Variants in ARHGEF10 observed in about 807,000 individuals in gnomAD.
ARHGEF10 encodes Rho guanine nucleotide exchange factor 10.
ARHGEF10 carries 140 observed loss-of-function variants against 147.4 expected under a neutral mutation model. The observed-to-expected ratio is 0.95, with a 90% CI of 0.83 to 1.09. The LOEUF is 1.09. ARHGEF10 is among the 50% of genes least tolerant of loss of function. The pLI, the probability that ARHGEF10 is intolerant of heterozygous loss-of-function variation, is 0.00. For missense variants in ARHGEF10, 2,222 were observed against 1,752.7 expected (o/e 1.27, Z -4.78); for synonymous variants, 902 against 695.8 (o/e 1.30, Z -4.67).
chr8:1,830,351 C>G (rs1417158114), intron 1 of ARHGEF10, among the ~76,000 whole-genome samples: 1 of 151,978 alleles, frequency 6.6e-6, no homozygotes, highest in Non-Finnish European at 1.5e-5. Context: ...ATCCAGGCTG[C>G]CAGGAGCCTC....
intron 5 of ARHGEF10, among the ~76,000 whole-genome samples, chr8:1,865,056 A>G (rs1806468436): frequency 6.6e-6 from 1 of 152,232 alleles, no homozygotes; most frequent in African/African-American, 2.4e-5. Flanking sequence ...AAAGGATGAA[A>G]TTTTTCAAAC....
Position 1,918,862 on chromosome 8 carries a change from ATGATGGAGCTGCTTTGTGGG to A in ARHGEF10, c.2144-4091_2144-4072del, listed in dbSNP as rs1422442933. Among the ~76,000 whole-genome samples, 9 of 137,446 alleles carry A rather than the reference ATGATGGAGCTGCTTTGTGGG, an allele frequency of 6.5e-5. No homozygotes were observed. In the South Asian group the frequency reaches 9.6e-4, roughly 15 times the overall value. The allele number at this position is 137,446 out of a possible 152,430, so 90.2% of individuals were successfully genotyped here. On this transcript the variant is annotated intron_variant, in intron 18 of 28. Transcript: ENST00000349830. ...TGTGGGTGATAGAGCTGTTATGTGG[ATGATGGAGCTGCTTTGTGGG>A]TGATGGAGCTATTCTGTAAAGTGAC... is the stretch of plus-strand genomic sequence containing the variant.
At position 1,850,020 on chromosome 8, in the gene ARHGEF10, G is replaced by A. The variant is rs1280262113; in HGVS notation, c.37+6584G>A. ...GCAAATGCTGAGGAGGGCGTGGGCC[G>A]GCTGCATGGACACAGAGGGCAAATG... On this transcript the variant is annotated intron_variant, in intron 2 of 28. Coordinates refer to ENST00000349830, the MANE Select transcript of ARHGEF10 (RefSeq NM_014629.4). Among the ~76,000 whole-genome samples the A allele has an allele frequency of 5.5e-3, 348 of 63,752 alleles. 1 individual carries two copies. Among genetic ancestry groups the A allele is most frequent in the African/African-American group, 0.013 (203 of 15,814 alleles). 41.8% of individuals were successfully genotyped at this position (63,752 alleles called of 152,430 possible).
chr8:1,907,462 C>G (rs1810990599), intron 17 of ARHGEF10, among the ~76,000 whole-genome samples: 1 of 152,144 alleles, frequency 6.6e-6, no homozygotes, highest in South Asian at 2.1e-4. Flanking sequence ...AAGTCCTAAG[C>G]AAATATAATG....
chr8:1,957,035 C>T lies in ARHGEF10; in HGVS notation c.3807C>T (p.Ser1269=), dbSNP rs1446988049. Residue 1269 remains serine, a synonymous_variant, in exon 29 of 29, where the codon TCC becomes TCT. Transcript: ENST00000349830. ...GGTCCCTGAGCTTGTCTCACGGCTC[C>T]AGCTCTCTAGAGCACAGATCAGAGG... The part of the protein sequence containing the change: ...SSGSLSLSHG[S]SSLEHRSEDS... 1 of 1,613,844 alleles carries T rather than the reference C, an allele frequency of 6.2e-7. No individual in the cohort carries two copies. Among genetic ancestry groups the T allele is most frequent in the African/African-American group, 1.3e-5 (1 of 74,932 alleles).
At chr8:1,935,230 C>G (rs1367991707) in intron 26 of ARHGEF10, among the ~76,000 whole-genome samples, 2 of 152,090 alleles carry the variant, frequency 1.3e-5, no homozygotes, top group Non-Finnish European at 2.9e-5. Context: ...AACCCCCCAT[C>G]AGCCCCGTCC....
rs1815646665 is a variant in ARHGEF10 at position 1,957,149 on chromosome 8, G to T, written c.3921G>T (p.Leu1307=). Residue 1307 remains leucine, a synonymous_variant, in exon 29 of 29, where the codon CTG becomes CTT. Coordinates refer to ENST00000349830, the MANE Select transcript of ARHGEF10 (RefSeq NM_014629.4). ...AGAAAGCCAAGGCCAGCTCGGCGCT[G>T]GTGGTCTGTGGAGGGCAGGGCCACC... ...RAKKAKASSA[L]VVCGGQGHRR... 10 of 1,612,736 alleles carry T rather than the reference G, an allele frequency of 6.2e-6. 1 individual carries two copies. Among genetic ancestry groups the T allele is most frequent in the South Asian group, 2.2e-5 (2 of 91,092 alleles).
chr8:1,929,640 C>G (rs997960066), intron 25 of ARHGEF10, among the ~76,000 whole-genome samples, 197 bp downstream of exon 25: 3 of 152,150 alleles, frequency 2.0e-5, no homozygotes, highest in African/African-American at 7.2e-5. Flanking sequence ...ATACAGACAT[C>G]TTTCAGAAGT....
At chr8:1,874,097 T>A (rs1044876532) in intron 7 of ARHGEF10, among the ~76,000 whole-genome samples, 4 of 152,150 alleles carry the variant, frequency 2.6e-5, no homozygotes, top group African/African-American at 9.7e-5. Flanking sequence ...GGATTTAACG[T>A]TCAATTTTAG....
intron 18 of ARHGEF10, among the ~76,000 whole-genome samples, chr8:1,912,129 T>C (rs1563274287): frequency 6.6e-6 from 1 of 152,082 alleles, no homozygotes; most frequent in Admixed American, 6.6e-5. Context: ...CTGAGACCAG[T>C]GAGCAGCTGC....
At chr8:1,951,930 C>CGGGGTCTTCCCTGTAACCGCCGTGAGGT (rs1563333837) in intron 27 of ARHGEF10, among the ~76,000 whole-genome samples, 6 of 151,934 alleles carry the variant, frequency 3.9e-5, no homozygotes, top group Non-Finnish European at 7.4e-5. Flanking sequence ...CACCGTGAGG[C>CGGGGTCTTCCCTGTAACCGCCGTGAGGT]GGGGTCTTCC....
chr8:1,854,404 C>T (rs941818441), intron 2 of ARHGEF10, among the ~76,000 whole-genome samples: 11 of 152,236 alleles, frequency 7.2e-5, no homozygotes, highest in Non-Finnish European at 8.8e-5. Context: ...AGCACAACTT[C>T]TTTGAGTTCT....
chr8:1,846,096 C>G (rs548072029), intron 2 of ARHGEF10, among the ~76,000 whole-genome samples: 9 of 152,218 alleles, frequency 5.9e-5, no homozygotes, highest in Non-Finnish European at 1.3e-4. Flanking sequence ...CTCCACAGTT[C>G]GCCACTGTTA....
At position 1,842,868 on chromosome 8, in the gene ARHGEF10, A is replaced by G. The variant is rs532745923; in HGVS notation, c.-47-485A>G. 3.9e-5 allele frequency among the ~76,000 whole-genome samples: 6 copies of G among 152,336 alleles called. No individual in the cohort carries two copies. The South Asian group carries it at 1.0e-3, about 26-fold the overall frequency. On this transcript the variant is annotated intron_variant, in intron 1 of 28. Coordinates refer to ENST00000349830, the MANE Select transcript of ARHGEF10 (RefSeq NM_014629.4). ...AGCCTCGCCCCGAGAGGTTAGCCAC[A>G]TGCTTACCAAAAGGAGTGGAGAGGG...
intron 11 of ARHGEF10, among the ~76,000 whole-genome samples, chr8:1,891,657 C>A (rs944173719): frequency 6.6e-6 from 1 of 152,084 alleles, no homozygotes; most frequent in Non-Finnish European, 1.5e-5. Context: ...CAGGGACCCT[C>A]CCTGTGGGGG....
At chr8:1,908,933 C>T (rs917608382) in intron 17 of ARHGEF10, among the ~76,000 whole-genome samples, 38 of 152,216 alleles carry the variant, frequency 2.5e-4, no homozygotes, top group African/African-American at 9.1e-4. Flanking sequence ...CTTATGAAAC[C>T]GCCAGAGAAT....
intron 26 of ARHGEF10, among the ~76,000 whole-genome samples, chr8:1,945,273 G>A (rs1385578820): frequency 6.6e-6 from 1 of 152,230 alleles, no homozygotes; most frequent in Non-Finnish European, 1.5e-5. Flanking sequence ...GCCATTTTCT[G>A]GGCTCACAAA....
chr8:1,866,463 T>G (rs1806622691), intron 5 of ARHGEF10, 63 bp from the exon 6 acceptor site: 3 of 1,420,880 alleles, frequency 2.1e-6, no homozygotes, highest in Non-Finnish European at 3.0e-6. Flanking sequence ...TGCAGGGCAG[T>G]TGGCATCCTA....
intron 18 of ARHGEF10, among the ~76,000 whole-genome samples, chr8:1,916,646 C>G (rs528771510): frequency 2.0e-5 from 3 of 152,196 alleles, no homozygotes; most frequent in Non-Finnish European, 4.4e-5. Context: ...GGGATCACTA[C>G]TGGTTCATAA....
Sources: allele counts gnomAD v4.1 joint callset (sites outside exome capture counted in the v4.1 genomes callset), GRCh38; gene constraint gnomAD v4.1.1; transcripts MANE v1.5; gene names NCBI Gene and HGNC (gene_info 2026-07-23, HGNC 2026-07-21).